The following MDM1 variants were observed in gnomAD, a reference collection of about 807,000 sequenced individuals.
MDM1 encodes the protein stabilizer of axonemal microtubules 6.
In MDM1, 61 loss-of-function variants were observed where a neutral mutation model predicts 89.1. The ratio of observed to expected loss-of-function variants is 0.68; its 90% CI spans 0.56 to 0.85. The LOEUF is 0.85. Ranked by LOEUF, MDM1 falls within the 40% of genes least tolerant of loss-of-function variation. The pLI is 0.00. For synonymous variants in MDM1, 290 were observed against 294.1 expected, an observed-to-expected ratio of 0.99 and a Z score of 0.14; for missense variants, 820 against 846.5, an observed-to-expected ratio of 0.97 and a Z score of 0.39.
At chr12:68,315,631 A>G (rs1326253762) in intron 9 of MDM1, among the ~76,000 whole-genome samples, 3 of 152,248 alleles carry the variant, frequency 2.0e-5, no homozygotes, top group African/African-American at 7.2e-5. Context: ...AGATAATTAA[A>G]TCATGTTCAT....
chr12:68,300,378 A>T (rs754837892), intron 13 of MDM1, among the ~76,000 whole-genome samples: 2 of 152,222 alleles, frequency 1.3e-5, no homozygotes, highest in Non-Finnish European at 2.9e-5. Flanking sequence ...TGCTCCATTT[A>T]AAAGATATGG....
At chr12:68,308,998 G>A (rs893688161) in intron 12 of MDM1, among the ~76,000 whole-genome samples, 7 of 152,096 alleles carry the variant, frequency 4.6e-5, no homozygotes, top group Non-Finnish European at 2.9e-5. Flanking sequence ...CACCTCCTAC[G>A]TGGACTACTG....
intron 12 of MDM1, among the ~76,000 whole-genome samples, chr12:68,312,777 TTCTC>T (rs1355625554): frequency 5.9e-5 from 9 of 151,302 alleles, no homozygotes; most frequent in South Asian, 2.1e-4. Flanking sequence ...CTCCCTCTCA[TTCTC>T]TCTCTCTCTC....
In MDM1 at chr12:68,295,339, G is replaced by T; in HGVS notation, c.2090C>A (p.Ala697Asp). 1 of 1,612,840 alleles carries T rather than the reference G, an allele frequency of 6.2e-7. No individual in the cohort carries two copies. Among genetic ancestry groups the T allele is most frequent in the Non-Finnish European group, 8.5e-7 (1 of 1,179,350 alleles). The change falls in exon 15 of 15, where the codon GCT becomes GAT. Residue 697 changes from alanine (A) to aspartate (D), a missense_variant. Ala to Asp is a moderately radical substitution (Grantham distance 126, BLOSUM62 -2). Transcript: ENST00000682720. ...CCGGAGACTAGAAGCTGCAGAGCGA[G>T]CAGAAATCTCAGACAATCTGTCCTC... ...EDEDRLSEIS[A>D]RSAASSLRAF...
chr12:68,306,753 G>C (rs1872939906), intron 12 of MDM1, among the ~76,000 whole-genome samples: 2 of 152,138 alleles, frequency 1.3e-5, no homozygotes, highest in South Asian at 4.1e-4. Flanking sequence ...AGGATGCAGA[G>C]AAAAGGAAAC....
chr12:68,312,270 G>C (rs1278667982), intron 12 of MDM1, among the ~76,000 whole-genome samples: 2 of 152,130 alleles, frequency 1.3e-5, no homozygotes, highest in Non-Finnish European at 2.9e-5. Flanking sequence ...ATGTCTACTT[G>C]TATGTCTAAT....
chr12:68,326,646 AAT>A lies in MDM1; in HGVS notation c.498+9_498+10del. On this transcript the variant is annotated intron_variant, in intron 3 of 14. Coordinates refer to ENST00000682720, the MANE Select transcript of MDM1 (RefSeq NM_001354969.2). ...TATGCTTTTGAAAAGAAATGCAGTG[AAT>A]ATGCCTACCCCATTATCTACATTTT... is the stretch of plus-strand genomic sequence containing the variant. 4 of 1,614,170 alleles carry A rather than the reference AAT, an allele frequency of 2.5e-6. No homozygotes were observed. The highest frequency in any genetic ancestry group is 3.4e-6 in the Non-Finnish European group (4 of 1,179,992).
At chr12:68,309,567 A>G (rs1028637207) in intron 12 of MDM1, among the ~76,000 whole-genome samples, 1 of 152,168 alleles carries the variant, frequency 6.6e-6, no homozygotes, top group Non-Finnish European at 1.5e-5. Context: ...CATGTGGGTA[A>G]ATCTGCTAAA....
chr12:68,307,995 T>C (rs1873147399), intron 12 of MDM1, among the ~76,000 whole-genome samples: 1 of 150,992 alleles, frequency 6.6e-6, no homozygotes, highest in South Asian at 2.1e-4. Context: ...GAATAACATC[T>C]AAGATCCTTA....
At chr12:68,302,371 G>A (rs967585299) in intron 13 of MDM1, among the ~76,000 whole-genome samples, 1 of 152,140 alleles carries the variant, frequency 6.6e-6, no homozygotes, top group Non-Finnish European at 1.5e-5. Context: ...TCTATCTAGT[G>A]GATTCCCTGT....
rs914938712 is a variant in MDM1 at position 68,302,511 on chromosome 12, A to G, written c.2002+109T>C. ...AAGAAATTTTATTAATACATTAACC[A>G]AAAATACTAAATAACTGATTTATTA... On this transcript the variant is annotated intron_variant, in intron 13 of 14. Coordinates refer to ENST00000682720, the MANE Select transcript of MDM1 (RefSeq NM_001354969.2). 10 of 1,061,968 alleles carry G rather than the reference A, an allele frequency of 9.4e-6. No homozygotes were observed. In the African/African-American group the frequency reaches 1.4e-4, roughly 15 times the overall value. 65.8% of individuals were successfully genotyped at this position (1,061,968 alleles called of 1,614,324 possible). A position where few individuals can be genotyped will look rare whatever the true frequency, so the allele number is the denominator to read the frequency against.
chr12:68,332,240 C>T lies in MDM1; in HGVS notation c.6G>A (p.Pro2=), dbSNP rs1339624308. The part of the protein sequence containing the change: M[P]VRFKGLSEYQ... The stretch of plus-strand genomic sequence containing the variant: ...ACCCCAGCCTCACCTTGAAGCGCAC[C>T]GGCATGTCGCCCGGCGCCGGAGCCC... Residue 2 remains proline (P), a synonymous_variant, in exon 1 of 15, where the codon CCG becomes CCA. Coordinates refer to ENST00000682720, the MANE Select transcript of MDM1 (RefSeq NM_001354969.2). 5 of 1,582,672 alleles carry T rather than the reference C, an allele frequency of 3.2e-6. No individual in the cohort carries two copies. Among genetic ancestry groups the T allele is most frequent in the Admixed American group, 3.5e-5 (2 of 56,500 alleles).
chr12:68,306,534 C>T (rs936782640), intron 12 of MDM1, among the ~76,000 whole-genome samples: 2 of 151,066 alleles, frequency 1.3e-5, no homozygotes, highest in African/African-American at 4.9e-5. Context: ...CTATAAGGAA[C>T]TTAACAAGAA....
chr12:68,332,072 G>T, intron 1 of MDM1, 156 bp downstream of exon 1: 1 of 933,930 alleles, frequency 1.1e-6, no homozygotes, highest in Non-Finnish European at 1.7e-6. Flanking sequence ...AAGAGGCGGC[G>T]GGCAGATTCT....
In MDM1 at chr12:68,322,460, C is replaced by T. The variant is rs571956587; in HGVS notation, c.801+613G>A. ...CCAGCCTGGCCAACACAGTGAAACC[C>T]GCATCTCTACTAAAAATACAAAAAT... On this transcript the variant is annotated intron_variant, in intron 5 of 14. Coordinates refer to ENST00000682720, the MANE Select transcript of MDM1 (RefSeq NM_001354969.2). Among the ~76,000 whole-genome samples the T allele has an allele frequency of 3.9e-5, 6 of 152,114 alleles. No individual in the cohort carries two copies. In the South Asian group the frequency reaches 6.2e-4, roughly 16 times the overall value.
At chr12:68,327,065 AG>A (rs1304705242) in intron 2 of MDM1, 44 bp from the exon 3 acceptor site, 4 of 1,523,830 alleles carry the variant, frequency 2.6e-6, no homozygotes, top group Non-Finnish European at 2.6e-6. Flanking sequence ...TAAAGCAAAA[AG>A]TTACAAAGAC....
intron 14 of MDM1, among the ~76,000 whole-genome samples, chr12:68,296,228 G>GCA (rs1565761224): frequency 6.6e-6 from 1 of 152,234 alleles, no homozygotes; most frequent in Non-Finnish European, 1.5e-5. Context: ...GGCTGGGCAT[G>GCA]GTGGCTCACG....
intron 7 of MDM1, 70 bp from the exon 8 acceptor site, chr12:68,316,680 T>C: frequency 2.6e-6 from 3 of 1,172,642 alleles, no homozygotes; most frequent in Non-Finnish European, 3.6e-6. Context: ...TGGGAATCAA[T>C]GAAACACATT....
Position 68,326,844 on chromosome 12 carries a change from T to C in MDM1, c.311A>G (p.Gln104Arg). ...AGCTTCTAGTGAGTGAACTCTTTCT[T>C]GAGTAACATCCTTTTGTTCTGCTTC... ...SQEAEQKDVT[Q>R]ERVHSLEASR... is the part of the protein sequence containing the mutation. Residue 104 changes from glutamine to arginine, a missense_variant, in exon 3 of 15, where the codon CAA becomes CGA. Gln to Arg is a conservative substitution (Grantham distance 43). Coordinates refer to ENST00000682720, the MANE Select transcript of MDM1 (RefSeq NM_001354969.2). 1 of 1,613,976 alleles carries C rather than the reference T, an allele frequency of 6.2e-7. No homozygotes were observed. Among genetic ancestry groups the C allele is most frequent in the East Asian group, 2.2e-5 (1 of 44,866 alleles).
Sources: gnomAD v4.1 joint callset for allele counts (sites outside exome capture counted in the v4.1 genomes callset) on GRCh38, gnomAD v4.1.1 for gene constraint, MANE v1.5 for transcripts, NCBI Gene and HGNC (gene_info 2026-07-23, HGNC 2026-07-21) for gene names.